SVEP1: variants seen among roughly 807,000 people sequenced by gnomAD.
SVEP1 encodes the protein sushi, von Willebrand factor type A, EGF and pentraxin domain-containing protein 1.
A neutral mutation model predicts 367.3 loss-of-function variants in SVEP1; 164 were observed. The observed-to-expected ratio is 0.45, with a 90% confidence interval of 0.39 to 0.51. The LOEUF (loss-of-function observed/expected upper bound fraction) is 0.51, where lower values mean the gene tolerates loss of function less well. Among genes scored for constraint, SVEP1 ranks in the 20% least tolerant of loss-of-function variants. SVEP1 has a pLI of 0.00. For missense variants in SVEP1, 4,117 were observed against 4,425.3 expected (o/e 0.93, Z 1.98); for synonymous variants, 1,666 against 1,611.6 (o/e 1.03, Z -0.81).
At position 110,366,563 on chromosome 9, in the gene SVEP1, G is replaced by GAAA; in HGVS notation, c.10695-4_10695-3insTTT. ...GTTAAAACCCAGTCCTCCTTTTCCT[G>GAAA]GAAAAAAAAAAAAAAGCAACCAAAT... is the stretch of plus-strand genomic sequence containing the variant. On this transcript the variant is annotated splice_region_variant and splice_polypyrimidine_tract_variant and intron_variant, in intron 47 of 47. Coordinates refer to ENST00000374469, the MANE Select transcript of SVEP1 (RefSeq NM_153366.4). The GAAA allele has an allele frequency of 6.7e-7, 1 of 1,487,382 alleles. No individual in the cohort carries two copies. Among genetic ancestry groups the GAAA allele is most frequent in the Admixed American group, 2.4e-5 (1 of 41,410 alleles). The allele number at this position is 1,487,382 out of a possible 1,614,324, so 92.1% of individuals were successfully genotyped here.
intron 47 of SVEP1, among the ~76,000 whole-genome samples, chr9:110,369,228 TA>T (rs1165720910): frequency 1.3e-5 from 2 of 152,196 alleles, no homozygotes; most frequent in African/African-American, 4.8e-5. Context: ...TCCTGATGTT[TA>T]AAAAGTTATA....
At chr9:110,516,956 G>C (rs186781372) in intron 3 of SVEP1, among the ~76,000 whole-genome samples, 66 of 152,210 alleles carry the variant, frequency 4.3e-4, no homozygotes, top group African/African-American at 1.5e-3. Context: ...AAGCTTATAG[G>C]AAAGGAAATT....
Position 110,434,512 on chromosome 9 carries a change from G to A in SVEP1, c.4889-6C>T, listed in dbSNP as rs1174689971. ...CCCTCCTAAGCGTGGGCAATCTGAG[G>A]GCAAAGAACACAGGTGCAGAGCTTG... is the stretch of plus-strand genomic sequence containing the variant. On this transcript the variant is annotated splice_region_variant and splice_polypyrimidine_tract_variant and intron_variant, in intron 29 of 47. Coordinates refer to ENST00000374469, the MANE Select transcript of SVEP1 (RefSeq NM_153366.4). 2 of 1,611,802 alleles carry A rather than the reference G, an allele frequency of 1.2e-6. No individual in the cohort carries two copies. Among genetic ancestry groups the A allele is most frequent in the African/African-American group, 1.3e-5 (1 of 74,724 alleles).
chr9:110,401,116 C>T (rs1827854124), intron 39 of SVEP1, 107 bp from the exon 40 acceptor site: 2 of 1,355,044 alleles, frequency 1.5e-6, no homozygotes, highest in Non-Finnish European at 1.0e-6. Flanking sequence ...AAATGATAGT[C>T]AAAAGCACCC....
chr9:110,486,442 C>A (rs1829277790), intron 9 of SVEP1, among the ~76,000 whole-genome samples: 1 of 152,184 alleles, frequency 6.6e-6, no homozygotes, highest in Non-Finnish European at 1.5e-5. Context: ...CAAGGAGAAG[C>A]ATTCCTGGCT....
At chr9:110,400,642 C>T (rs1049833698) in intron 40 of SVEP1, among the ~76,000 whole-genome samples, 1 of 152,154 alleles carries the variant, frequency 6.6e-6, no homozygotes, top group Non-Finnish European at 1.5e-5. Context: ...GCTCGGATTA[C>T]AGGCATGAGC....
chr9:110,503,329 A>C (rs186572288), intron 5 of SVEP1, 112 bp from the exon 6 acceptor site: 4 of 1,087,036 alleles, frequency 3.7e-6, no homozygotes, highest in South Asian at 3.2e-5. Context: ...CTTTTCTTAA[A>C]ATAGCAAACG....
chr9:110,549,230 CTTA>C (rs1207597356), intron 2 of SVEP1, among the ~76,000 whole-genome samples: 1 of 152,020 alleles, frequency 6.6e-6, no homozygotes, highest in Non-Finnish European at 1.5e-5. Flanking sequence ...ACACAGCTAA[CTTA>C]TTATAATGTA....
At chr9:110,541,766 T>C (rs1411760776) in intron 3 of SVEP1, among the ~76,000 whole-genome samples, 1 of 147,654 alleles carries the variant, frequency 6.8e-6, no homozygotes, top group Non-Finnish European at 1.5e-5. Context: ...TATACATAGA[T>C]ATCTATATAT....
chr9:110,507,327 G>C (rs1829640593), intron 5 of SVEP1, among the ~76,000 whole-genome samples: 1 of 152,120 alleles, frequency 6.6e-6, no homozygotes, highest in African/African-American at 2.4e-5. Context: ...CATACATTTA[G>C]TTACGTCAAA....
intron 13 of SVEP1, among the ~76,000 whole-genome samples, chr9:110,477,710 T>A (rs1157310055): frequency 6.6e-6 from 1 of 152,072 alleles, no homozygotes; most frequent in Non-Finnish European, 1.5e-5. Flanking sequence ...CTTCTCTTTA[T>A]CCCACAATCT....
chr9:110,473,919 T>C (rs1190829449), intron 14 of SVEP1, among the ~76,000 whole-genome samples: 3 of 152,220 alleles, frequency 2.0e-5, no homozygotes, highest in Admixed American at 6.5e-5. Flanking sequence ...ATGAATATGA[T>C]TTTTTCCCCT....
At chr9:110,494,853 C>G (rs1829421931) in intron 8 of SVEP1, among the ~76,000 whole-genome samples, 1 of 151,846 alleles carries the variant, frequency 6.6e-6, no homozygotes, top group Admixed American at 6.6e-5. Flanking sequence ...TTTTTTCATG[C>G]CTGCGCTAGA....
intron 43 of SVEP1, among the ~76,000 whole-genome samples, chr9:110,380,587 G>A (rs536600414): frequency 6.6e-6 from 1 of 152,136 alleles, no homozygotes; most frequent in Non-Finnish European, 1.5e-5. Flanking sequence ...TGCTGGATTC[G>A]GTTCTCCGGT....
At chr9:110,462,112 T>G (rs755581495) in intron 18 of SVEP1, among the ~76,000 whole-genome samples, 8 of 151,956 alleles carry the variant, frequency 5.3e-5, no homozygotes, top group Non-Finnish European at 8.8e-5. Flanking sequence ...ATAAATTCCA[T>G]CAGTAAAACT....
intron 46 of SVEP1, 48 bp downstream of exon 46, chr9:110,375,320 T>G: frequency 2.0e-6 from 3 of 1,473,782 alleles, no homozygotes; most frequent in Non-Finnish European, 1.8e-6. Flanking sequence ...TCCTCTGGAG[T>G]TTCATGGGCC....
At chr9:110,564,353 TAAAGAA>T (rs891387109) in intron 1 of SVEP1, among the ~76,000 whole-genome samples, 2 of 152,154 alleles carry the variant, frequency 1.3e-5, no homozygotes, top group Non-Finnish European at 2.9e-5. Flanking sequence ...ATACTTACCA[TAAAGAA>T]AAAGTTTAGC....
At position 110,570,994 on chromosome 9, in the gene SVEP1, T is replaced by C. The variant is rs949337539; in HGVS notation, c.531+8019A>G. 1.4e-5 allele frequency among the ~76,000 whole-genome samples: 2 copies of C among 139,190 alleles called. 1 individual carries two copies. Among genetic ancestry groups the C allele is most frequent in the South Asian group, 4.9e-4 (2 of 4,068 alleles). 91.3% of individuals were successfully genotyped at this position (139,190 alleles called of 152,430 possible). On this transcript the variant is annotated intron_variant, in intron 1 of 47. Transcript: ENST00000374469. ...CCTTTTTTTTTTTTTTTTTTTTTTT[T>C]TGAGACAGGTCTTGCACTGTCGCCT...
At chr9:110,375,514 C>T (rs984098651) in intron 45 of SVEP1, 51 bp from the exon 46 acceptor site, 36 of 1,417,586 alleles carry the variant, frequency 2.5e-5, no homozygotes, top group Admixed American at 1.2e-4. Context: ...ATTGAAATGG[C>T]GTTGATCAAA....
Sources: gnomAD v4.1 joint callset for allele counts (sites outside exome capture counted in the v4.1 genomes callset) on GRCh38, gnomAD v4.1.1 for gene constraint, MANE v1.5 for transcripts, NCBI Gene and HGNC (gene_info 2026-07-23, HGNC 2026-07-21) for gene names.